KIRREL3: variants seen among roughly 807,000 people sequenced by gnomAD.
The protein encoded by KIRREL3 is kirre like nephrin family adhesion molecule 3, also known as kin of IRRE-like protein 3.
KIRREL3 carries 36 observed loss-of-function variants against 89.7 expected under a neutral mutation model. The ratio of observed to expected loss-of-function variants is 0.40; its 90% CI spans 0.31 to 0.53. The LOEUF (loss-of-function observed/expected upper bound fraction) is 0.53, where lower values mean the gene tolerates loss of function less well. Ranked by LOEUF, KIRREL3 falls within the 20% of genes least tolerant of loss-of-function variation. The pLI, the probability that KIRREL3 is intolerant of heterozygous loss-of-function variation, is 0.49. For synonymous variants in KIRREL3, 445 were observed against 441.4 expected, an observed-to-expected ratio of 1.01 and a Z score of -0.10; for missense variants, 864 against 1,056.6, an observed-to-expected ratio of 0.82 and a Z score of 2.53.
chr11:126,580,874 C>T (rs56989191), intron 1 of KIRREL3, among the ~76,000 whole-genome samples: 3,835 of 150,584 alleles, frequency 0.025, 163 homozygotes, highest in African/African-American at 0.089. Context: ...TTACAGTCTC[C>T]GGGTTGCACT....
At position 126,764,121 on chromosome 11, in the gene KIRREL3, G is replaced by T. The variant is rs1031202667; in HGVS notation, c.56-201209C>A. On this transcript the variant is annotated intron_variant, in intron 1 of 16. Coordinates refer to ENST00000525144, the MANE Select transcript of KIRREL3 (RefSeq NM_032531.4). The surrounding 1 kb of genome is among the most constrained non-coding windows in gnomAD (Gnocchi z 4.2). Reference sequence around the variant, plus strand: ...CCATTTGAGTTTTAAAAGACATTCAGATCAGAATGAATGAAATGCTAACTT... The same window carrying T: ...CCATTTGAGTTTTAAAAGACATTCATATCAGAATGAATGAAATGCTAACTT... Among the ~76,000 whole-genome samples, 2 of 152,176 alleles carry T rather than the reference G, an allele frequency of 1.3e-5. No homozygotes were observed. Among genetic ancestry groups the T allele is most frequent in the Non-Finnish European group, 2.9e-5 (2 of 68,038 alleles).
intron 1 of KIRREL3, among the ~76,000 whole-genome samples, chr11:126,573,471 C>T (rs1234482756): frequency 6.6e-6 from 1 of 151,940 alleles, no homozygotes; most frequent in Non-Finnish European, 1.5e-5. Flanking sequence ...CCCCACCCAC[C>T]CCAGCCCACA....
rs535571689 is a variant in KIRREL3, at chr11:126,836,457, G to A, written c.55+163998C>T. Among the ~76,000 whole-genome samples the A allele has an allele frequency of 6.8e-4, 96 of 141,798 alleles. 1 individual carries two copies. Among genetic ancestry groups the A allele is most frequent in the Non-Finnish European group, 3.3e-4 (22 of 66,074 alleles). 93.0% of individuals were successfully genotyped at this position (141,798 alleles called of 152,430 possible). A position where few individuals can be genotyped will look rare whatever the true frequency, so the allele number is the denominator to read the frequency against. ...AAGGGTCTGAGCCAAGCCAATATAC[G>A]GAAGATGAACAGAGTGCCTGAACTT... On this transcript the variant is annotated intron_variant, in intron 1 of 16. Coordinates refer to ENST00000525144, the MANE Select transcript of KIRREL3 (RefSeq NM_032531.4).
intron 1 of KIRREL3, among the ~76,000 whole-genome samples, chr11:126,659,018 A>G (rs1032952186): frequency 6.6e-6 from 1 of 152,230 alleles, no homozygotes; most frequent in Non-Finnish European, 1.5e-5. Context: ...GGCATCCATC[A>G]AGAGAAATTA....
intron 1 of KIRREL3, among the ~76,000 whole-genome samples, chr11:126,919,490 T>G (rs1296425807): frequency 6.6e-6 from 1 of 152,196 alleles, no homozygotes; most frequent in Non-Finnish European, 1.5e-5. Flanking sequence ...ATTAGAATAA[T>G]TGATAACCAG....
rs1407847859 is a variant in KIRREL3, at chr11:126,844,476, G to C, written c.55+155979C>G. On this transcript the variant is annotated intron_variant, in intron 1 of 16. Transcript: ENST00000525144. This position sits in a 1 kb window ranked among gnomAD's most constrained non-coding sequence, Gnocchi z 4.8. The stretch of plus-strand genomic sequence containing the variant: ...AGCACTGATTGGCAGATTTTGGGTA[G>C]GTGGTGGGGTACCCAGATAAAGGAT... 6.6e-6 allele frequency among the ~76,000 whole-genome samples: 1 copy of C among 152,146 alleles called. No individual in the cohort carries two copies. The highest frequency in any genetic ancestry group is 1.9e-4 in the East Asian group (1 of 5,184).
In KIRREL3 at chr11:126,482,333, C is replaced by T. The variant is rs1021167698; in HGVS notation, c.434-8867G>A. ...GGATTACAGGCATGAACCACCGTGC[C>T]GGGCCTGCCCCTTTCCTTTTGCTTT... On this transcript the variant is annotated intron_variant, in intron 4 of 16. Coordinates refer to ENST00000525144, the MANE Select transcript of KIRREL3 (RefSeq NM_032531.4). Among the ~76,000 whole-genome samples the T allele has an allele frequency of 2.6e-5, 4 of 152,194 alleles. No individual in the cohort carries two copies. In the South Asian group the frequency reaches 6.2e-4, roughly 24 times the overall value.
In KIRREL3 at chr11:126,498,254, T is replaced by C. The variant is rs1957738623; in HGVS notation, c.433+23061A>G. Among the ~76,000 whole-genome samples, 1 of 152,174 alleles carries C rather than the reference T, an allele frequency of 6.6e-6. No individual in the cohort carries two copies. The highest frequency in any genetic ancestry group is 2.4e-5 in the African/African-American group (1 of 41,428). On this transcript the variant is annotated intron_variant, in intron 4 of 16. Transcript: ENST00000525144. The surrounding 1 kb of genome is among the most constrained non-coding windows in gnomAD (Gnocchi z 4.3). ...GATTTACTTTCTTCCCCCAAAATGA[T>C]GTCATCAGCTAAGACAAAAAGAAAA...
chr11:126,836,812 C>T (rs375311807), intron 1 of KIRREL3, among the ~76,000 whole-genome samples: 1 of 152,136 alleles, frequency 6.6e-6, no homozygotes, highest in East Asian at 1.9e-4. Context: ...GGAAGCTTTC[C>T]CTGAACCTGG....
Position 126,997,190 on chromosome 11 carries a change from T to A in KIRREL3, c.55+3265A>T, listed in dbSNP as rs1950201793. Among the ~76,000 whole-genome samples the A allele has an allele frequency of 6.6e-6, 1 of 152,022 alleles. No individual in the cohort carries two copies. The highest frequency in any genetic ancestry group is 2.1e-4 in the South Asian group (1 of 4,816). ...GGAAATAGTTGTGGGTGAACTGAAATGATAAAGAGGAAAAAATATAGCAAG... is the reference window on the plus strand; with the variant it reads ...GGAAATAGTTGTGGGTGAACTGAAAAGATAAAGAGGAAAAAATATAGCAAG... On this transcript the variant is annotated intron_variant, in intron 1 of 16. Transcript: ENST00000525144. This position sits in a 1 kb window ranked among gnomAD's most constrained non-coding sequence, Gnocchi z 4.3.
intron 1 of KIRREL3, among the ~76,000 whole-genome samples, chr11:126,889,498 T>G (rs1257687812): frequency 4.0e-5 from 6 of 151,882 alleles, no homozygotes; most frequent in African/African-American, 1.5e-4. Flanking sequence ...TTGTTCTTCT[T>G]GGAAAAAAAA....
At chr11:126,461,098 C>A (rs192301442) in intron 6 of KIRREL3, among the ~76,000 whole-genome samples, 2 of 152,236 alleles carry the variant, frequency 1.3e-5, no homozygotes, top group African/African-American at 4.8e-5. Context: ...CAAGAAGGGG[C>A]CTTGGATGTC....
At chr11:126,816,800 C>T (rs147783742) in intron 1 of KIRREL3, among the ~76,000 whole-genome samples, 1,863 of 152,286 alleles carry the variant, frequency 0.012, 25 homozygotes, top group Middle Eastern at 0.11. Context: ...CTCTGAAAGC[C>T]GCAGGAGGCT....
At chr11:126,846,393 T>C (rs557560986) in intron 1 of KIRREL3, among the ~76,000 whole-genome samples, 6 of 152,226 alleles carry the variant, frequency 3.9e-5, no homozygotes, top group Non-Finnish European at 8.8e-5. Flanking sequence ...TTTAATTAAT[T>C]CGTTTAAAAA....
In KIRREL3 at chr11:126,783,002, T is replaced by C. The variant is rs1314737062; in HGVS notation, c.55+217453A>G. ...ACACAAGATGAACTGGAGCATCTTG[T>C]AGTGCCAGAAAATAAGGAAGTGCTC... On this transcript the variant is annotated intron_variant, in intron 1 of 16. Coordinates refer to ENST00000525144, the MANE Select transcript of KIRREL3 (RefSeq NM_032531.4). This position sits in a 1 kb window ranked among gnomAD's most constrained non-coding sequence, Gnocchi z 4.3. Among the ~76,000 whole-genome samples, 1 of 152,188 alleles carries C rather than the reference T, an allele frequency of 6.6e-6. No homozygotes were observed. The highest frequency in any genetic ancestry group is 2.4e-5 in the African/African-American group (1 of 41,444).
intron 1 of KIRREL3, among the ~76,000 whole-genome samples, chr11:126,714,492 G>A (rs939379310): frequency 6.6e-6 from 1 of 152,208 alleles, no homozygotes; most frequent in African/African-American, 2.4e-5. Flanking sequence ...GTGATGGGGG[G>A]CATTTGGGAA....
intron 1 of KIRREL3, among the ~76,000 whole-genome samples, chr11:126,699,217 A>G (rs893169136): frequency 6.6e-6 from 1 of 152,246 alleles, no homozygotes; most frequent in African/African-American, 2.4e-5. Context: ...AATGTCACAC[A>G]GAGGCGATTT....
intron 1 of KIRREL3, among the ~76,000 whole-genome samples, chr11:126,626,664 G>A (rs1177531428): frequency 2.0e-5 from 3 of 152,208 alleles, no homozygotes; most frequent in African/African-American, 7.2e-5. Flanking sequence ...CTCCACCGGT[G>A]CCTATCAGCC....
rs541025023 is a variant in KIRREL3 at position 126,952,179 on chromosome 11, A to G, written c.55+48276T>C. 5.9e-5 allele frequency among the ~76,000 whole-genome samples: 9 copies of G among 152,334 alleles called. No homozygotes were observed. In the South Asian group the frequency reaches 1.7e-3, roughly 28 times the overall value. ...GGCCGGTGGATCACCTGAGGTCAGG[A>G]GTTCGAGAGCAGCCTGGCCTACACA... On this transcript the variant is annotated intron_variant, in intron 1 of 16. Transcript: ENST00000525144.
Sources: gnomAD v4.1 joint callset for allele counts (sites outside exome capture counted in the v4.1 genomes callset) on GRCh38, gnomAD v4.1.1 for gene constraint, Gnocchi (gnomAD v3.1) non-coding constraint, MANE v1.5 for transcripts, NCBI Gene and HGNC (gene_info 2026-07-23, HGNC 2026-07-21) for gene names.